Variants in TNFSF13B observed in about 807,000 individuals in gnomAD.
TNFSF13B encodes the protein tumor necrosis factor ligand superfamily member 13B.
TNFSF13B carries 8 observed loss-of-function variants against 29.1 expected under a neutral mutation model. That is an observed-to-expected ratio of 0.27 (90% confidence interval 0.16 to 0.50). The LOEUF is 0.50. TNFSF13B is among the 20% of genes least tolerant of loss of function. The pLI is 0.98. For missense variants in TNFSF13B, 248 were observed against 334.9 expected, an observed-to-expected ratio of 0.74 and a Z score of 2.03; for synonymous variants, 125 against 130.8, an observed-to-expected ratio of 0.96 and a Z score of 0.30.
chr13:108,272,965 A>T (rs539377721), intron 2 of TNFSF13B, among the ~76,000 whole-genome samples: 6 of 152,256 alleles, frequency 3.9e-5, no homozygotes, highest in African/African-American at 1.4e-4. Context: ...TCTCCTATTA[A>T]TACTTTTATG....
Position 108,269,855 on chromosome 13 carries a change from C to G in TNFSF13B, c.-41C>G. 1 of 1,530,104 alleles carries G rather than the reference C, an allele frequency of 6.5e-7. No individual in the cohort carries two copies. The highest frequency in any genetic ancestry group is 1.2e-5 in the South Asian group (1 of 81,352). The allele number at this position is 1,530,104 out of a possible 1,614,324, so 94.8% of individuals were successfully genotyped here. ...GGAAATGATCCATTCCCTGTGGTCA[C>G]TTATTCTAAAGGCCCCAACCTTCAA... is the stretch of plus-strand genomic sequence containing the variant. On this transcript the variant is annotated 5_prime_UTR_variant, in exon 1 of 6. Transcript: ENST00000375887.
At chr13:108,280,069 C>CTTTTTT (rs35086854) in intron 2 of TNFSF13B, among the ~76,000 whole-genome samples, 1 of 120,026 alleles carries the variant, frequency 8.3e-6, no homozygotes. Context: ...ATGGCGTCTG[C>CTTTTTT]TTTTTTTTTT....
intron 2 of TNFSF13B, among the ~76,000 whole-genome samples, chr13:108,276,153 A>G (rs1408397683): frequency 2.0e-5 from 3 of 152,174 alleles, no homozygotes; most frequent in Non-Finnish European, 4.4e-5. Context: ...GAGTGTTGGA[A>G]GCGTGCAATG....
chr13:108,296,215 A>G (rs1656073333), intron 3 of TNFSF13B, among the ~76,000 whole-genome samples: 1 of 145,810 alleles, frequency 6.9e-6, no homozygotes, highest in African/African-American at 2.6e-5. Context: ...CTGTTACTAT[A>G]GAAATGTCTA....
intron 3 of TNFSF13B, chr13:108,302,985 A>C: frequency 1.9e-6 from 1 of 518,812 alleles, no homozygotes; most frequent in Non-Finnish European, 2.8e-6. Context: ...ATATAGACCA[A>C]TAAAGGGAAA....
intron 2 of TNFSF13B, among the ~76,000 whole-genome samples, chr13:108,283,063 T>C (rs1881003636): frequency 1.3e-5 from 2 of 152,244 alleles, no homozygotes; most frequent in East Asian, 1.9e-4. Context: ...AAAAATAATA[T>C]TGCCATTTTT....
At chr13:108,298,525 A>G (rs1881517670) in intron 3 of TNFSF13B, among the ~76,000 whole-genome samples, 1 of 145,770 alleles carries the variant, frequency 6.9e-6, no homozygotes, top group African/African-American at 2.6e-5. Context: ...AAATCTTATT[A>G]AAATCAATTA....
chr13:108,286,905 A>G (rs1881154274), intron 3 of TNFSF13B, 46 bp downstream of exon 3: 11 of 1,395,558 alleles, frequency 7.9e-6, no homozygotes, highest in Non-Finnish European at 9.8e-6. Flanking sequence ...AATGTCCATC[A>G]ATGATAGACT....
intron 3 of TNFSF13B, among the ~76,000 whole-genome samples, chr13:108,292,722 T>C (rs1028828221): frequency 5.3e-5 from 8 of 152,174 alleles, no homozygotes; most frequent in African/African-American, 1.9e-4. Flanking sequence ...GTGTCTTCTT[T>C]GGAAAAATGT....
intron 2 of TNFSF13B, among the ~76,000 whole-genome samples, chr13:108,284,898 C>A: frequency 6.6e-6 from 1 of 152,196 alleles, no homozygotes; most frequent in Non-Finnish European, 1.5e-5. Context: ...ACGCTTGGGG[C>A]TTTAGCTGCC....
At position 108,307,084 on chromosome 13, in the gene TNFSF13B, T is replaced by G. The variant is rs891220437; in HGVS notation, c.*146T>G. The G allele has an allele frequency of 1.9e-4, 113 of 598,102 alleles. 1 individual carries two copies. The highest frequency in any genetic ancestry group is 2.9e-4 in the Non-Finnish European group (102 of 355,856). The allele number at this position is 598,102 out of a possible 1,614,324, so 37.0% of individuals were successfully genotyped here. On this transcript the variant is annotated 3_prime_UTR_variant, in exon 6 of 6. Transcript: ENST00000375887. ...TGCCTTTTCTGTGAGCTATTTGTTT[T>G]GGTTTGCTGAAACTAGTCCAAAACA...
chr13:108,296,140 T>G (rs1483454380), intron 3 of TNFSF13B, among the ~76,000 whole-genome samples: 2 of 145,816 alleles, frequency 1.4e-5, no homozygotes, highest in Non-Finnish European at 3.0e-5. Flanking sequence ...AGTTCACTAT[T>G]GCCTTATTGA....
At chr13:108,296,583 TG>T (rs1881464029) in intron 3 of TNFSF13B, among the ~76,000 whole-genome samples, 1 of 146,022 alleles carries the variant, frequency 6.8e-6, no homozygotes, top group South Asian at 2.1e-4. Context: ...GTATTTTAAT[TG>T]CCAAATTTAA....
intron 5 of TNFSF13B, among the ~76,000 whole-genome samples, chr13:108,305,945 T>C (rs1469736606): frequency 2.0e-5 from 3 of 152,162 alleles, no homozygotes; most frequent in Non-Finnish European, 4.4e-5. Context: ...AATGAAACTA[T>C]TCTAAAAATA....
Position 108,303,366 on chromosome 13 carries a change from G to A in TNFSF13B, c.594+1G>A. The stretch of plus-strand genomic sequence containing the variant: ...TGGTTACTTTTTTATATATGGTCAG[G>A]TAGGTTGAAACCCTAATTCTGGTTT... On this transcript the variant is annotated splice_donor_variant, in intron 4 of 5. Coordinates refer to ENST00000375887, the MANE Select transcript of TNFSF13B (RefSeq NM_006573.5). LOFTEE classifies it high-confidence loss of function. 6.2e-7 allele frequency: 1 copy of A among 1,611,502 alleles called. No homozygotes were observed. The highest frequency in any genetic ancestry group is 8.5e-7 in the Non-Finnish European group (1 of 1,178,458).
At chr13:108,277,721 C>A (rs1374608338) in intron 2 of TNFSF13B, among the ~76,000 whole-genome samples, 1 of 152,118 alleles carries the variant, frequency 6.6e-6, no homozygotes. Flanking sequence ...CATGCCTCCC[C>A]TTTTTAGACC....
In TNFSF13B at chr13:108,286,803, T is replaced by C; in HGVS notation, c.425T>C (p.Val142Ala). The change falls in exon 3 of 6, where the codon GTC (valine) becomes GCC (alanine). Residue 142 changes from valine (V) to alanine (A), a missense_variant and splice_region_variant. By Grantham distance (64) the Val-to-Ala change is moderately conservative. Around this residue, in one of 2 missense-constraint regions of TNFSF13B, gnomAD observed 186 missense variants for 196.3 expected, o/e 0.95. Coordinates refer to ENST00000375887, the MANE Select transcript of TNFSF13B (RefSeq NM_006573.5). Reference protein sequence around the residue: ...KRAVQGPEETVTQDCLQLIAD... With the variant: ...KRAVQGPEETATQDCLQLIAD... ...AAAATGATAAATTTTTGCTTTTTAG[T>C]CACTCAAGACTGCTTGCAACTGATT... 2.6e-6 allele frequency: 4 copies of C among 1,559,526 alleles called. No individual in the cohort carries two copies. The highest frequency in any genetic ancestry group is 1.2e-5 in the South Asian group (1 of 85,232).
intron 3 of TNFSF13B, among the ~76,000 whole-genome samples, chr13:108,302,324 C>A (rs369193853): frequency 9.4e-4 from 143 of 152,222 alleles, no homozygotes; most frequent in African/African-American, 3.3e-3. Flanking sequence ...CCTTATATTA[C>A]AGTCCCTCAA....
Position 108,306,955 on chromosome 13 carries a change from C to G in TNFSF13B, c.*17C>G. On this transcript the variant is annotated 3_prime_UTR_variant, in exon 6 of 6. Transcript: ENST00000375887. ...CTGCTGTGACCTACTTACACCATGT[C>G]TGTAGCTATTTTCCTCCCTTTCTCT... is the stretch of plus-strand genomic sequence containing the variant. 7.5e-7 allele frequency: 1 copy of G among 1,334,428 alleles called. No homozygotes were observed. Among genetic ancestry groups the G allele is most frequent in the Non-Finnish European group, 1.0e-6 (1 of 977,904 alleles). 82.7% of individuals were successfully genotyped at this position (1,334,428 alleles called of 1,614,324 possible).
Sources: gnomAD v4.1 joint callset for allele counts (sites outside exome capture counted in the v4.1 genomes callset) on GRCh38, gnomAD v4.1.1 for gene constraint, gnomAD v4.1.1 regional missense constraint, MANE v1.5 for transcripts, NCBI Gene and HGNC (gene_info 2026-07-23, HGNC 2026-07-21) for gene names.